LRRC59: variants seen among roughly 807,000 people sequenced by gnomAD.
LRRC59 encodes leucine-rich repeat-containing protein 59.
In LRRC59, 18 loss-of-function variants were observed where a neutral mutation model predicts 33.5. The observed-to-expected ratio is 0.54, with a 90% CI of 0.37 to 0.80. The LOEUF is 0.80. LRRC59 is among the 30% of genes least tolerant of loss of function. The pLI, the probability that LRRC59 is intolerant of heterozygous loss-of-function variation, is 0.00. For synonymous variants in LRRC59, 138 were observed against 160.0 expected (o/e 0.86, Z 1.04); for missense variants, 330 against 391.9 (o/e 0.84, Z 1.33).
chr17:50,391,574 T>A (rs1252196379), intron 4 of LRRC59, among the ~76,000 whole-genome samples: 1 of 152,198 alleles, frequency 6.6e-6, no homozygotes, highest in African/African-American at 2.4e-5. Context: ...ATGCTGTTCT[T>A]AATAGGTAGG....
rs1242361776 is a variant in LRRC59 at position 50,381,474 on chromosome 17, G to A, written c.*1514C>T. On this transcript the variant is annotated 3_prime_UTR_variant, in exon 7 of 7. Coordinates refer to ENST00000225972, the MANE Select transcript of LRRC59 (RefSeq NM_018509.4). ...GTACCAATGGCTCTGGAGCTTGGAG[G>A]AAGACTAAAGGAATGTGTAGTGATT... The A allele has an allele frequency of 6.4e-6, 1 of 157,104 alleles. No homozygotes were observed. Among genetic ancestry groups the A allele is most frequent in the Non-Finnish European group, 1.4e-5 (1 of 70,502 alleles). The allele number at this position is 157,104 out of a possible 1,614,324, so 9.7% of individuals were successfully genotyped here.
intron 2 of LRRC59, among the ~76,000 whole-genome samples, 162 bp from the exon 3 acceptor site, chr17:50,393,059 T>A (rs933437047): frequency 1.3e-5 from 2 of 152,136 alleles, no homozygotes; most frequent in Non-Finnish European, 2.9e-5. Context: ...CCAAGACAAC[T>A]CTTCTTCTTC....
At chr17:50,395,785 C>T (rs1488819684) in intron 1 of LRRC59, among the ~76,000 whole-genome samples, 1 of 152,006 alleles carries the variant, frequency 6.6e-6, no homozygotes, top group African/African-American at 2.4e-5. Context: ...TGGTGGCACA[C>T]GCTTGTAATC....
rs919313159 is a variant in LRRC59, at chr17:50,382,547, G to C, written c.*441C>G. ...CCTCCCAGTTTAGACTGGATTTACTGAGCGTGGTGTTCTAGTCCCCCCCAG... is the reference window on the plus strand; with the variant it reads ...CCTCCCAGTTTAGACTGGATTTACTCAGCGTGGTGTTCTAGTCCCCCCCAG... On this transcript the variant is annotated 3_prime_UTR_variant, in exon 7 of 7. Coordinates refer to ENST00000225972, the MANE Select transcript of LRRC59 (RefSeq NM_018509.4). 5.8e-6 allele frequency: 1 copy of C among 171,790 alleles called. No individual in the cohort carries two copies. The highest frequency in any genetic ancestry group is 5.5e-5 in the Admixed American group (1 of 18,270). The allele number at this position is 171,790 out of a possible 1,614,324, so 10.6% of individuals were successfully genotyped here. A position where few individuals can be genotyped will look rare whatever the true frequency, so the allele number is the denominator to read the frequency against.
intron 4 of LRRC59, among the ~76,000 whole-genome samples, chr17:50,391,735 G>C (rs1044417636): frequency 6.6e-6 from 1 of 152,116 alleles, no homozygotes; most frequent in African/African-American, 2.4e-5. Context: ...CTTTATCATC[G>C]CTTTTATTAT....
chr17:50,390,773 G>A (rs952004821), intron 4 of LRRC59, among the ~76,000 whole-genome samples: 2 of 152,218 alleles, frequency 1.3e-5, no homozygotes, highest in Admixed American at 1.3e-4. Flanking sequence ...CAGACGACCT[G>A]ATTCTGACTG....
intron 6 of LRRC59, among the ~76,000 whole-genome samples, chr17:50,384,701 G>A (rs1196755485): frequency 2.7e-5 from 4 of 150,616 alleles, no homozygotes; most frequent in Non-Finnish European, 4.4e-5. Context: ...GGAGACGGAG[G>A]TTGCAGTGAG....
rs149107529 is a variant in LRRC59 at position 50,394,374 on chromosome 17, G to T, written c.165+555C>A. Among the ~76,000 whole-genome samples, 1,184 of 152,278 alleles carry T rather than the reference G, an allele frequency of 7.8e-3. 6 individuals carry two copies. The highest frequency in any genetic ancestry group is 0.011 in the Non-Finnish European group (758 of 68,030). On this transcript the variant is annotated intron_variant, in intron 2 of 6. Coordinates refer to ENST00000225972, the MANE Select transcript of LRRC59 (RefSeq NM_018509.4). The stretch of plus-strand genomic sequence containing the variant: ...AGTGGAAGGAAAACTAGCAGACGTT[G>T]TGCAAGAAAAATAAAAAGGATTTGA...
chr17:50,392,357 G>GGATTTCTCCTTAT (rs1914166114), intron 4 of LRRC59, 41 bp downstream of exon 4: 1 of 1,499,694 alleles, frequency 6.7e-7, no homozygotes, highest in Non-Finnish European at 9.3e-7. Flanking sequence ...GAAATCCCAG[G>GGATTTCTCCTTAT]GAGTGTATAA....
At position 50,397,271 on chromosome 17, in the gene LRRC59, T is replaced by C; in HGVS notation, c.47A>G (p.Asp16Gly). ...GAGGCTCAGGTCCAGTTCGTTGCCG[T>C]CCAGCTTGTCGCGGAGGTTCCCGCC... ...SKGGNLRDKL[D>G]GNELDLSLSD... Residue 16 changes from aspartate to glycine, a missense_variant, in exon 1 of 7, where the codon GAC (aspartate) becomes GGC (glycine). By Grantham distance (94) the Asp-to-Gly change is moderately conservative. Coordinates refer to ENST00000225972, the MANE Select transcript of LRRC59 (RefSeq NM_018509.4). The C allele has an allele frequency of 6.2e-7, 1 of 1,609,798 alleles. No homozygotes were observed. Among genetic ancestry groups the C allele is most frequent in the African/African-American group, 1.3e-5 (1 of 74,434 alleles).
chr17:50,382,765 G>GCCCCCCCCCCCCCCCCCCCCC lies in LRRC59; in HGVS notation c.*222_*223insGGGGGGGGGGGGGGGGGGGGG. On this transcript the variant is annotated 3_prime_UTR_variant, in exon 7 of 7. Transcript: ENST00000225972. ...TACTCCTTTAGGCATGCAGGTAACT[G>GCCCCCCCCCCCCCCCCCCCCC]CCCCCCACGCCCCCCCGCCACCTCC... is the stretch of plus-strand genomic sequence containing the variant. 1.9e-6 allele frequency: 1 copy of GCCCCCCCCCCCCCCCCCCCCC among 536,434 alleles called. No homozygotes were observed. Among genetic ancestry groups the GCCCCCCCCCCCCCCCCCCCCC allele is most frequent in the Non-Finnish European group, 3.2e-6 (1 of 310,878 alleles). The allele number at this position is 536,434 out of a possible 1,614,324, so 33.2% of individuals were successfully genotyped here.
At chr17:50,397,018 C>A (rs1025728714) in intron 1 of LRRC59, 195 bp downstream of exon 1, 1 of 444,758 alleles carries the variant, frequency 2.2e-6, no homozygotes, top group Non-Finnish European at 4.0e-6. Context: ...TCTGGAACTG[C>A]GCCAAAGTGA....
chr17:50,385,015 T>G, intron 6 of LRRC59, 103 bp downstream of exon 6: 2 of 1,316,220 alleles, frequency 1.5e-6, no homozygotes, highest in Non-Finnish European at 2.1e-6. Context: ...GAGTGTACTT[T>G]ATCTAAGGTT....
intron 4 of LRRC59, among the ~76,000 whole-genome samples, chr17:50,388,553 C>T (rs1914067326): frequency 7.2e-6 from 1 of 139,274 alleles, no homozygotes; most frequent in African/African-American, 3.4e-5. Context: ...ACAACAACCA[C>T]CACCACCACC....
In LRRC59 at chr17:50,382,934, T is replaced by G; in HGVS notation, c.*54A>C. On this transcript the variant is annotated 3_prime_UTR_variant, in exon 7 of 7. Transcript: ENST00000225972. ...AGAGGTTGTGTCCAGCAGAACCCAA[T>G]TCCATAGGAATCCAAACTCCAAGGC... The G allele has an allele frequency of 6.3e-7, 1 of 1,588,300 alleles. No individual in the cohort carries two copies. The highest frequency in any genetic ancestry group is 8.6e-7 in the Non-Finnish European group (1 of 1,165,988).
intron 4 of LRRC59, among the ~76,000 whole-genome samples, chr17:50,391,615 A>G (rs963516771): frequency 3.3e-5 from 5 of 152,216 alleles, no homozygotes; most frequent in Non-Finnish European, 7.3e-5. Flanking sequence ...CTGACCACAG[A>G]CAATAGTTGT....
At position 50,382,627 on chromosome 17, in the gene LRRC59, A is replaced by G. The variant is rs115294777; in HGVS notation, c.*361T>C. 674 of 252,174 alleles carry G rather than the reference A, an allele frequency of 2.7e-3. 6 individuals are homozygous for G. The highest frequency in any genetic ancestry group is 0.014 in the African/African-American group (626 of 44,920). 15.6% of individuals were successfully genotyped at this position (252,174 alleles called of 1,614,324 possible). A position where few individuals can be genotyped will look rare whatever the true frequency, so the allele number is the denominator to read the frequency against. On this transcript the variant is annotated 3_prime_UTR_variant, in exon 7 of 7. Transcript: ENST00000225972. Reference sequence around the variant, plus strand: ...AGGAATGAAAGGGTTTGTGGCATACAAAAGTATAAATGTAGTGACAGCTGA... The same window carrying G: ...AGGAATGAAAGGGTTTGTGGCATACGAAAGTATAAATGTAGTGACAGCTGA...
At chr17:50,395,901 CAA>C (rs372143721) in intron 1 of LRRC59, 9 of 139,762 alleles carry the variant, frequency 6.4e-5, no homozygotes, top group African/African-American at 7.9e-5. Flanking sequence ...CTCCATCATC[CAA>C]AAAAAAAAAA....
At chr17:50,387,976 A>G (rs1914050757) in intron 5 of LRRC59, 84 bp downstream of exon 5, 1 of 1,360,096 alleles carries the variant, frequency 7.4e-7, no homozygotes, top group Admixed American at 1.7e-5. Flanking sequence ...TGACTACTCT[A>G]CTGGATCCCA....
Sources: allele counts gnomAD v4.1 joint callset (sites outside exome capture counted in the v4.1 genomes callset), GRCh38; gene constraint gnomAD v4.1.1; transcripts MANE v1.5; gene names NCBI Gene and HGNC (gene_info 2026-07-23, HGNC 2026-07-21).